Variants in PTPRD observed in about 807,000 individuals in gnomAD.
PTPRD encodes protein tyrosine phosphatase receptor type D, also known as receptor-type tyrosine-protein phosphatase delta.
PTPRD carries 34 observed loss-of-function variants against 214.5 expected under a neutral mutation model. That is an observed-to-expected ratio of 0.16 (90% CI 0.12 to 0.21). PTPRD has a LOEUF of 0.21. Ranked by LOEUF, PTPRD falls within the 10% of genes least tolerant of loss-of-function variation. PTPRD has a pLI of 1.00. For missense variants in PTPRD, 2,545 were observed against 2,398.7 expected, an observed-to-expected ratio of 1.06 and a Z score of -1.27; for synonymous variants, 1,128 against 845.7, an observed-to-expected ratio of 1.33 and a Z score of -5.79.
At chr9:9,720,198 G>A (rs1271571703) in intron 7 of PTPRD, among the ~76,000 whole-genome samples, 1 of 152,102 alleles carries the variant, frequency 6.6e-6, no homozygotes, top group Admixed American at 6.5e-5. Flanking sequence ...ATAAAAAAGG[G>A]GTAGCAGTGA....
chr9:8,394,970 G>A (rs1005236501), intron 36 of PTPRD, among the ~76,000 whole-genome samples: 1 of 152,066 alleles, frequency 6.6e-6, no homozygotes. Flanking sequence ...AGTCTTGGAG[G>A]GAAGGCAGAA....
At chr9:9,375,904 A>G (rs2060656509) in intron 9 of PTPRD, among the ~76,000 whole-genome samples, 1 of 152,296 alleles carries the variant, frequency 6.6e-6, no homozygotes, top group East Asian at 1.9e-4. Context: ...AATGCCACTG[A>G]ATGGCACACT....
intron 7 of PTPRD, among the ~76,000 whole-genome samples, chr9:9,635,085 T>G (rs1593682071): frequency 6.6e-6 from 1 of 152,308 alleles, no homozygotes; most frequent in Admixed American, 6.5e-5. Context: ...TTTAATGGAT[T>G]AGACCATTAG....
At chr9:9,421,093 A>C (rs1236088144) in intron 8 of PTPRD, among the ~76,000 whole-genome samples, 12 of 152,012 alleles carry the variant, frequency 7.9e-5, no homozygotes, top group Non-Finnish European at 2.9e-5. Flanking sequence ...ACATATTTGT[A>C]AATATACAAT....
chr9:8,644,917 G>A (rs369028025), intron 12 of PTPRD, among the ~76,000 whole-genome samples: 9 of 152,310 alleles, frequency 5.9e-5, no homozygotes, highest in African/African-American at 1.7e-4. Context: ...CAAGACCAAC[G>A]GGCCTGAGCA....
At chr9:8,329,360 GATTGCTGCCT>G (rs1837307827) in intron 44 of PTPRD, among the ~76,000 whole-genome samples, 1 of 152,160 alleles carries the variant, frequency 6.6e-6, no homozygotes, top group Admixed American at 6.5e-5. Flanking sequence ...GAACAGCAAA[GATTGCTGCCT>G]ATTCCTTCCT....
intron 2 of PTPRD, among the ~76,000 whole-genome samples, chr9:10,379,414 G>A (rs981584390): frequency 6.6e-6 from 1 of 151,678 alleles, no homozygotes; most frequent in African/African-American, 2.4e-5. Context: ...GAGTAACAAT[G>A]GTAAAAGTTA....
At position 9,868,297 on chromosome 9, in the gene PTPRD, T is replaced by C. The variant is rs750038054; in HGVS notation, c.-368+70210A>G. Among the ~76,000 whole-genome samples, 101 of 152,132 alleles carry C rather than the reference T, an allele frequency of 6.6e-4. 4 individuals are homozygous for C. Among genetic ancestry groups the C allele is most frequent in the Admixed American group, 3.3e-4 (5 of 15,264 alleles). The stretch of plus-strand genomic sequence containing the variant: ...AAAGAACTTGAAGTTATAATTAATA[T>C]AATAATAATTACAGCAATAATACAA... On this transcript the variant is annotated intron_variant, in intron 5 of 45. Coordinates refer to ENST00000381196, the MANE Select transcript of PTPRD (RefSeq NM_002839.4).
intron 5 of PTPRD, among the ~76,000 whole-genome samples, chr9:9,871,927 C>G (rs1470876396): frequency 6.6e-6 from 1 of 152,008 alleles, no homozygotes; most frequent in African/African-American, 2.4e-5. Context: ...AGGTTTATTG[C>G]CTATTTTACA....
At chr9:8,562,082 G>C (rs1271992077) in intron 14 of PTPRD, among the ~76,000 whole-genome samples, 1 of 152,142 alleles carries the variant, frequency 6.6e-6, no homozygotes, top group African/African-American at 2.4e-5. Context: ...TGATACATTT[G>C]AAGCAAGAGG....
At chr9:8,929,295 G>C (rs6477361) in intron 11 of PTPRD, among the ~76,000 whole-genome samples, 1 of 151,704 alleles carries the variant, frequency 6.6e-6, no homozygotes, top group Non-Finnish European at 1.5e-5. Flanking sequence ...TTTCAGCTTT[G>C]GCCGATTCAG....
intron 33 of PTPRD, among the ~76,000 whole-genome samples, chr9:8,453,286 C>G (rs1274447031): frequency 6.6e-6 from 1 of 152,132 alleles, no homozygotes; most frequent in Non-Finnish European, 1.5e-5. Context: ...GCCTCAGCCT[C>G]CCGAGTAGCT....
At chr9:8,503,125 G>C (rs1275892575) in intron 23 of PTPRD, among the ~76,000 whole-genome samples, 1 of 151,904 alleles carries the variant, frequency 6.6e-6, no homozygotes, top group East Asian at 1.9e-4. Context: ...ATTTTCATGT[G>C]AATAATCATG....
chr9:9,785,577 A>G (rs967372718), intron 5 of PTPRD, among the ~76,000 whole-genome samples: 15 of 152,126 alleles, frequency 9.9e-5, no homozygotes, highest in Non-Finnish European at 1.6e-4. Context: ...ATGTTTCAAG[A>G]TAATGAAAGA....
At chr9:9,077,536 C>T (rs1426237496) in intron 10 of PTPRD, among the ~76,000 whole-genome samples, 1 of 152,048 alleles carries the variant, frequency 6.6e-6, no homozygotes, top group Non-Finnish European at 1.5e-5. Flanking sequence ...GAATCTATTA[C>T]TCCTTTTTTA....
intron 10 of PTPRD, among the ~76,000 whole-genome samples, chr9:9,025,298 A>G (rs1278813137): frequency 6.6e-6 from 1 of 152,050 alleles, no homozygotes; most frequent in Non-Finnish European, 1.5e-5. Context: ...CTGCAGTACT[A>G]TCTTTGTGAA....
chr9:8,978,371 C>A (rs1265754153), intron 11 of PTPRD, among the ~76,000 whole-genome samples: 1 of 152,066 alleles, frequency 6.6e-6, no homozygotes, highest in Non-Finnish European at 1.5e-5. Flanking sequence ...AAGTACCCAC[C>A]GTTGTACTTT....
At chr9:8,938,117 G>A (rs2099009424) in intron 11 of PTPRD, among the ~76,000 whole-genome samples, 2 of 152,254 alleles carry the variant, frequency 1.3e-5, no homozygotes, top group South Asian at 4.1e-4. Flanking sequence ...TAGGCAAGGA[G>A]GTTTTGTAAT....
intron 8 of PTPRD, among the ~76,000 whole-genome samples, chr9:9,533,172 A>G (rs973204282): frequency 1.4e-4 from 22 of 152,130 alleles, no homozygotes; most frequent in Non-Finnish European, 3.1e-4. Context: ...TAAGGAGGGC[A>G]TATGTTTTCT....
Sources: gnomAD v4.1 joint callset for allele counts (sites outside exome capture counted in the v4.1 genomes callset) on GRCh38, gnomAD v4.1.1 for gene constraint, MANE v1.5 for transcripts, NCBI Gene and HGNC (gene_info 2026-07-23, HGNC 2026-07-21) for gene names.